The following TNRC6C variants were observed in gnomAD, a reference collection of about 807,000 sequenced individuals.
TNRC6C encodes the protein trinucleotide repeat containing adaptor 6C.
TNRC6C carries 20 observed loss-of-function variants against 153.7 expected under a neutral mutation model. That is an observed-to-expected ratio of 0.13 (90% CI 0.09 to 0.19). The LOEUF (loss-of-function observed/expected upper bound fraction) is 0.19. TNRC6C is among the 10% of genes least tolerant of loss of function. The pLI is 1.00. For missense variants in TNRC6C, 1,987 were observed against 2,172.0 expected (o/e 0.91, Z 1.69); for synonymous variants, 811 against 841.4 (o/e 0.96, Z 0.63).
chr17:78,057,077 G>T (rs1479079837), intron 3 of TNRC6C, among the ~76,000 whole-genome samples: 1 of 152,150 alleles, frequency 6.6e-6, no homozygotes, highest in East Asian at 1.9e-4. Flanking sequence ...CCAATTAAAA[G>T]AGACAAATAA....
chr17:78,076,983 A>G (rs1208088174), intron 8 of TNRC6C, among the ~76,000 whole-genome samples: 1 of 152,252 alleles, frequency 6.6e-6, no homozygotes, highest in Non-Finnish European at 1.5e-5. Flanking sequence ...AAATACTTTT[A>G]AACTGAAAAC....
intron 2 of TNRC6C, among the ~76,000 whole-genome samples, chr17:78,042,961 A>G (rs887280853): frequency 6.6e-6 from 1 of 152,166 alleles, no homozygotes; most frequent in African/African-American, 2.4e-5. Flanking sequence ...TATAATTTTC[A>G]GAGAGATTCC....
intron 2 of TNRC6C, among the ~76,000 whole-genome samples, chr17:78,044,741 AGTT>A (rs2072371952): frequency 6.6e-6 from 1 of 152,226 alleles, no homozygotes; most frequent in Non-Finnish European, 1.5e-5. Flanking sequence ...AGAATTGAGT[AGTT>A]GTGACAGAGA....
chr17:78,067,391 A>T (rs952826352), intron 4 of TNRC6C, among the ~76,000 whole-genome samples: 2 of 152,156 alleles, frequency 1.3e-5, no homozygotes, highest in Non-Finnish European at 2.9e-5. Context: ...GGACAATGAA[A>T]TGTTTTAGGA....
intron 1 of TNRC6C, among the ~76,000 whole-genome samples, chr17:78,013,090 C>T (rs1467932633): frequency 6.6e-6 from 1 of 151,950 alleles, no homozygotes; most frequent in East Asian, 1.9e-4. Context: ...TAAAACTGAG[C>T]ACCCTTACCA....
chr17:78,042,579 T>C, intron 2 of TNRC6C, among the ~76,000 whole-genome samples: 1 of 151,640 alleles, frequency 6.6e-6, no homozygotes, highest in East Asian at 1.9e-4. Context: ...TTTTTTTTTT[T>C]TTAACGAAAT....
intron 3 of TNRC6C, among the ~76,000 whole-genome samples, chr17:78,061,271 C>G (rs1346894109): frequency 6.6e-6 from 1 of 152,110 alleles, no homozygotes; most frequent in Non-Finnish European, 1.5e-5. Context: ...AAAAGAATCC[C>G]TATAAATTAT....
rs753713215 is a variant in TNRC6C, at chr17:78,091,428, C to G, written c.3803-12C>G. The G allele has an allele frequency of 6.4e-6, 10 of 1,572,992 alleles. No homozygotes were observed. The highest frequency in any genetic ancestry group is 2.3e-5 in the South Asian group (2 of 86,022). On this transcript the variant is annotated splice_polypyrimidine_tract_variant and intron_variant, in intron 13 of 19. Transcript: ENST00000301624. ...AGGAGCAGGCGAATCCTAACCGCAT[C>G]TCTCTCTTTAGCTGGACTGAACCCA...
At chr17:77,964,649 A>G (rs2070884099) in intron 1 of TNRC6C, among the ~76,000 whole-genome samples, 1 of 152,202 alleles carries the variant, frequency 6.6e-6, no homozygotes, top group South Asian at 2.1e-4. Flanking sequence ...AGCAACTGGG[A>G]ATTAAACTAA....
intron 6 of TNRC6C, 86 bp from the exon 9 acceptor site, chr17:78,072,951 C>A: frequency 3.1e-6 from 3 of 974,932 alleles, no homozygotes; most frequent in Non-Finnish European, 4.7e-6. Context: ...ATAACTATGT[C>A]TTTAAGTTGA....
In TNRC6C at chr17:77,995,620, AT is replaced by A. The variant is rs978391064; in HGVS notation, c.-37-8549del. On this transcript the variant is annotated intron_variant, in intron 1 of 22. Coordinates refer to the TNRC6C transcript ENST00000636222. ...AACAATGAAATCCCAAGCATTATTA[AT>A]AACCACTCTGTAACACATAGGCCAG... Among the ~76,000 whole-genome samples, 152 of 152,304 alleles carry A rather than the reference AT, an allele frequency of 1.0e-3. 1 individual carries two copies. The highest frequency in any genetic ancestry group is 3.6e-3 in the African/African-American group (149 of 41,560).
chr17:78,054,303 ACTG>A (rs1323113270), intron 3 of TNRC6C, among the ~76,000 whole-genome samples: 3 of 152,082 alleles, frequency 2.0e-5, no homozygotes, highest in Non-Finnish European at 1.5e-5. Context: ...ACTGCACACT[ACTG>A]CAGACTACGC....
At chr17:78,034,178 C>T (rs1289918474) in intron 2 of TNRC6C, among the ~76,000 whole-genome samples, 2 of 152,216 alleles carry the variant, frequency 1.3e-5, no homozygotes, top group African/African-American at 4.8e-5. Context: ...CTGCCTCAGC[C>T]TCCTGAGTAG....
At chr17:78,081,434 A>G (rs887327871) in intron 10 of TNRC6C, among the ~76,000 whole-genome samples, 5 of 152,078 alleles carry the variant, frequency 3.3e-5, no homozygotes, top group Non-Finnish European at 1.5e-5. Flanking sequence ...TTATCAATAT[A>G]ACTAATACAT....
chr17:78,035,221 C>T (rs1018070373), intron 2 of TNRC6C, among the ~76,000 whole-genome samples: 1 of 152,150 alleles, frequency 6.6e-6, no homozygotes, highest in Non-Finnish European at 1.5e-5. Flanking sequence ...GGTGTTGGCA[C>T]AGGGATTGTA....
At chr17:78,032,711 C>T (rs1489998024) in intron 2 of TNRC6C, among the ~76,000 whole-genome samples, 2 of 152,180 alleles carry the variant, frequency 1.3e-5, no homozygotes, top group Non-Finnish European at 2.9e-5. Context: ...AAACATGGCA[C>T]AAGTCATATT....
At chr17:78,091,900 A>G (rs2073400784) in intron 14 of TNRC6C, among the ~76,000 whole-genome samples, 1 of 152,224 alleles carries the variant, frequency 6.6e-6, no homozygotes, top group Non-Finnish European at 1.5e-5. Context: ...ATATTCATCA[A>G]CAAAAACTTG....
At chr17:78,013,696 G>A (rs1186357711) in intron 1 of TNRC6C, among the ~76,000 whole-genome samples, 2 of 152,144 alleles carry the variant, frequency 1.3e-5, no homozygotes, top group East Asian at 1.9e-4. Context: ...CTTGGCAGGA[G>A]TTGTGGAAGG....
chr17:78,074,620 T>A (rs539253362), intron 7 of TNRC6C, among the ~76,000 whole-genome samples: 1 of 152,298 alleles, frequency 6.6e-6, no homozygotes, highest in East Asian at 1.9e-4. Flanking sequence ...TGCACAGTAT[T>A]GTATCCCCCA....
Sources: allele counts gnomAD v4.1 joint callset (sites outside exome capture counted in the v4.1 genomes callset), GRCh38; gene constraint gnomAD v4.1.1; transcripts MANE v1.5; gene names NCBI Gene and HGNC (gene_info 2026-07-23, HGNC 2026-07-21).